PARD3: variants seen among roughly 807,000 people sequenced by gnomAD.
PARD3 encodes partitioning defective 3 homolog.
In PARD3, 75 loss-of-function variants were observed where a neutral mutation model predicts 155.4. That is an observed-to-expected ratio of 0.48 (90% CI 0.40 to 0.58). The LOEUF is 0.58. Among genes scored for constraint, PARD3 ranks in the 20% least tolerant of loss-of-function variants. PARD3 has a pLI of 0.00. For missense variants in PARD3, 1,642 were observed against 1,721.7 expected (o/e 0.95, Z 0.82); for synonymous variants, 576 against 610.5 (o/e 0.94, Z 0.83).
intron 2 of PARD3, among the ~76,000 whole-genome samples, chr10:34,660,276 T>C (rs763656561): frequency 6.6e-6 from 1 of 152,222 alleles, no homozygotes; most frequent in Non-Finnish European, 1.5e-5. Flanking sequence ...GAAACTACAA[T>C]TTCTAAACAT....
At chr10:34,471,312 G>A (rs1156574119) in intron 3 of PARD3, among the ~76,000 whole-genome samples, 1 of 152,110 alleles carries the variant, frequency 6.6e-6, no homozygotes, top group Non-Finnish European at 1.5e-5. Flanking sequence ...ATCATTATCA[G>A]TAACAATGAG....
At chr10:34,725,934 T>A (rs550280832) in intron 1 of PARD3, among the ~76,000 whole-genome samples, 46 of 152,320 alleles carry the variant, frequency 3.0e-4, no homozygotes, top group South Asian at 1.5e-3. Flanking sequence ...AATCCCACGT[T>A]CTCAGTCATG....
At chr10:34,446,643 T>C (rs1328596093) in intron 5 of PARD3, among the ~76,000 whole-genome samples, 1 of 152,236 alleles carries the variant, frequency 6.6e-6, no homozygotes, top group Non-Finnish European at 1.5e-5. Flanking sequence ...CCGAATTATG[T>C]TGAGAAAATT....
chr10:34,725,602 C>CT (rs2094694840), intron 1 of PARD3, among the ~76,000 whole-genome samples: 1 of 152,148 alleles, frequency 6.6e-6, no homozygotes, highest in Non-Finnish European at 1.5e-5. Context: ...AAAATCTACC[C>CT]TTGGGGGGGC....
chr10:34,663,269 G>A (rs373151233), intron 2 of PARD3, among the ~76,000 whole-genome samples: 5 of 152,070 alleles, frequency 3.3e-5, no homozygotes, highest in Admixed American at 3.3e-4. Flanking sequence ...TTCAAGACCA[G>A]CCCGGGCAAC....
At chr10:34,534,193 G>A (rs1247125765) in intron 2 of PARD3, among the ~76,000 whole-genome samples, 2 of 151,636 alleles carry the variant, frequency 1.3e-5, no homozygotes, top group Non-Finnish European at 2.9e-5. Flanking sequence ...ATGAACCTGG[G>A]AGGCAGAGCT....
At position 34,415,463 on chromosome 10, in the gene PARD3, G is replaced by T. The variant is rs149369205; in HGVS notation, c.715-13546C>A. Among the ~76,000 whole-genome samples the T allele has an allele frequency of 2.8e-3, 432 of 152,260 alleles. 1 individual carries two copies. Among genetic ancestry groups the T allele is most frequent in the Non-Finnish European group, 4.4e-3 (302 of 68,026 alleles). ...GATACTCATAGTTGGCCAGATTATT[G>T]CTTTTATATGTATTGTTTTACATTC... is the stretch of plus-strand genomic sequence containing the variant. On this transcript the variant is annotated intron_variant, in intron 5 of 24. Coordinates refer to ENST00000374788, the MANE Select transcript of PARD3 (RefSeq NM_001184785.2).
intron 2 of PARD3, among the ~76,000 whole-genome samples, chr10:34,589,860 G>A (rs1244604789): frequency 6.6e-6 from 1 of 152,114 alleles, no homozygotes; most frequent in Non-Finnish European, 1.5e-5. Context: ...GAAGTCATAT[G>A]TATCAGTAAC....
At chr10:34,152,931 G>A (rs1476759045) in intron 22 of PARD3, among the ~76,000 whole-genome samples, 1 of 152,168 alleles carries the variant, frequency 6.6e-6, no homozygotes, top group Non-Finnish European at 1.5e-5. Flanking sequence ...TCGCTTTACT[G>A]ATGAGGAAAC....
At chr10:34,182,166 T>C (rs1233198454) in intron 22 of PARD3, among the ~76,000 whole-genome samples, 1 of 152,154 alleles carries the variant, frequency 6.6e-6, no homozygotes, top group Non-Finnish European at 1.5e-5. Context: ...GAGCGCTGGA[T>C]TGATGGTCCA....
intron 3 of PARD3, among the ~76,000 whole-genome samples, chr10:34,484,010 C>T (rs551380598): frequency 6.6e-6 from 1 of 152,356 alleles, no homozygotes; most frequent in East Asian, 1.9e-4. Context: ...ATATCACAGA[C>T]TAACTGTGCT....
intron 22 of PARD3, among the ~76,000 whole-genome samples, chr10:34,229,191 C>A (rs7096966): frequency 0.022 from 3,324 of 152,100 alleles, 144 homozygotes; most frequent in African/African-American, 0.076. Flanking sequence ...AGATGCCTCT[C>A]CTCCAAATAC....
chr10:34,252,895 A>T (rs1016219378), intron 22 of PARD3, among the ~76,000 whole-genome samples: 2 of 152,184 alleles, frequency 1.3e-5, no homozygotes, highest in African/African-American at 2.4e-5. Flanking sequence ...CTGCACTTTT[A>T]AAAATCAACT....
chr10:34,790,129 T>C (rs1841461900), intron 1 of PARD3, among the ~76,000 whole-genome samples: 1 of 152,202 alleles, frequency 6.6e-6, no homozygotes, highest in South Asian at 2.1e-4. Flanking sequence ...AAGACTTATG[T>C]GCTTTCAAAG....
At chr10:34,416,848 C>T (rs1167549109) in intron 5 of PARD3, among the ~76,000 whole-genome samples, 1 of 152,190 alleles carries the variant, frequency 6.6e-6, no homozygotes, top group Non-Finnish European at 1.5e-5. Context: ...AATGTCTTTG[C>T]AAAATTGTAA....
intron 2 of PARD3, among the ~76,000 whole-genome samples, chr10:34,604,173 G>A (rs1394352865): frequency 1.3e-5 from 2 of 152,158 alleles, no homozygotes; most frequent in Non-Finnish European, 2.9e-5. Context: ...GTTTTCGGAG[G>A]AGAAGGAAAC....
intron 2 of PARD3, among the ~76,000 whole-genome samples, chr10:34,619,893 A>G (rs976458063): frequency 1.3e-5 from 2 of 152,168 alleles, no homozygotes; most frequent in African/African-American, 2.4e-5. Flanking sequence ...CTGATATTGT[A>G]TAAAATAAGC....
intron 5 of PARD3, among the ~76,000 whole-genome samples, chr10:34,420,512 C>A (rs753073828): frequency 2.5e-4 from 38 of 152,124 alleles, no homozygotes; most frequent in Admixed American, 2.6e-4. Flanking sequence ...GAATTCAATG[C>A]GCCTCACTAT....
intron 3 of PARD3, among the ~76,000 whole-genome samples, chr10:34,500,502 G>A (rs2080615171): frequency 6.6e-6 from 1 of 152,182 alleles, no homozygotes; most frequent in South Asian, 2.1e-4. Flanking sequence ...AGCACTTTGG[G>A]AGGTCAAGGC....
Sources: allele counts gnomAD v4.1 joint callset (sites outside exome capture counted in the v4.1 genomes callset), GRCh38; gene constraint gnomAD v4.1.1; transcripts MANE v1.5; gene names NCBI Gene and HGNC (gene_info 2026-07-23, HGNC 2026-07-21).